Variants in CACNB4 observed in about 807,000 individuals in gnomAD.
CACNB4 encodes voltage-dependent L-type calcium channel subunit beta-4.
In CACNB4, 32 loss-of-function variants were observed where a neutral mutation model predicts 71.2. The ratio of observed to expected loss-of-function variants is 0.45; its 90% confidence interval spans 0.34 to 0.60. The LOEUF (loss-of-function observed/expected upper bound fraction) is 0.60, where lower values mean the gene tolerates loss of function less well. Ranked by LOEUF, CACNB4 falls within the 20% of genes least tolerant of loss-of-function variation. CACNB4 has a pLI of 0.01. For missense variants in CACNB4, 464 were observed against 647.9 expected, an observed-to-expected ratio of 0.72 and a Z score of 3.08; for synonymous variants, 231 against 236.9, an observed-to-expected ratio of 0.97 and a Z score of 0.23.
intron 12 of CACNB4, among the ~76,000 whole-genome samples, chr2:151,848,136 G>T (rs1253839194): frequency 6.6e-6 from 1 of 152,114 alleles, no homozygotes; most frequent in African/African-American, 2.4e-5. Context: ...TACAGAAAAG[G>T]TATCCCATGC....
Position 151,919,133 on chromosome 2 carries a change from T to C in CACNB4, c.148-35763A>G, listed in dbSNP as rs553863466. Among the ~76,000 whole-genome samples, 181 of 152,310 alleles carry C rather than the reference T, an allele frequency of 1.2e-3. 1 individual carries two copies. The highest frequency in any genetic ancestry group is 2.5e-3 in the South Asian group (12 of 4,822). ...AGGAGAGATCATGTTCAGTTCTACA[T>C]TGATCTGGGGCCATACTAAGTTAGG... On this transcript the variant is annotated intron_variant, in intron 2 of 13. Transcript: ENST00000539935.
chr2:152,077,080 A>G (rs1190344784), intron 2 of CACNB4, among the ~76,000 whole-genome samples: 1 of 152,168 alleles, frequency 6.6e-6, no homozygotes, highest in African/African-American at 2.4e-5. Context: ...CCAGAAGGAG[A>G]GCAGAAGTGC....
At chr2:152,055,319 T>A (rs1685669091) in intron 2 of CACNB4, among the ~76,000 whole-genome samples, 1 of 152,264 alleles carries the variant, frequency 6.6e-6, no homozygotes. Context: ...GTCTTCTTCT[T>A]ACTTTCTTGA....
At chr2:151,992,585 CT>C (rs1263644538) in intron 2 of CACNB4, among the ~76,000 whole-genome samples, 2 of 152,202 alleles carry the variant, frequency 1.3e-5, no homozygotes, top group Non-Finnish European at 2.9e-5. Flanking sequence ...CTAGCTTTTT[CT>C]GTAAATGGCG....
At chr2:151,985,245 G>A (rs1681285063) in intron 2 of CACNB4, among the ~76,000 whole-genome samples, 1 of 152,042 alleles carries the variant, frequency 6.6e-6, no homozygotes, top group Non-Finnish European at 1.5e-5. Flanking sequence ...TCTAGAATAT[G>A]CTATATGTAA....
rs769779021 is a variant in CACNB4, at chr2:151,839,077, T to C, written c.*42A>G. ...TGATTGGTTTATCCTAGCACTGCTA[T>C]GGCAAATTGTCAACAGATGAATATT... is the stretch of plus-strand genomic sequence containing the variant. On this transcript the variant is annotated 3_prime_UTR_variant, in exon 14 of 14. Coordinates refer to ENST00000539935, the MANE Select transcript of CACNB4 (RefSeq NM_000726.5). The C allele has an allele frequency of 2.5e-6, 4 of 1,571,764 alleles. No homozygotes were observed. Among genetic ancestry groups the C allele is most frequent in the East Asian group, 2.2e-5 (1 of 44,452 alleles).
intron 2 of CACNB4, among the ~76,000 whole-genome samples, chr2:152,047,899 AAAAACAAAAC>A (rs752935193): frequency 5.9e-5 from 9 of 152,198 alleles, no homozygotes; most frequent in Admixed American, 6.5e-5. Context: ...ACCCTGTTTC[AAAAACAAAAC>A]AAAACAAAAC....
At chr2:152,022,375 C>T (rs762260821) in intron 2 of CACNB4, among the ~76,000 whole-genome samples, 45 of 152,180 alleles carry the variant, frequency 3.0e-4, no homozygotes, top group Admixed American at 9.2e-4. Context: ...AGGACACAAT[C>T]CATGTCTCCA....
intron 2 of CACNB4, among the ~76,000 whole-genome samples, chr2:152,061,766 C>T (rs1420282381): frequency 6.6e-6 from 1 of 151,844 alleles, no homozygotes; most frequent in Non-Finnish European, 1.5e-5. Flanking sequence ...AATCCCAGCA[C>T]TCTGGGAGGC....
chr2:152,031,537 AG>A (rs1684284601), intron 2 of CACNB4, among the ~76,000 whole-genome samples: 1 of 152,106 alleles, frequency 6.6e-6, no homozygotes, highest in African/African-American at 2.4e-5. Context: ...GCACAACCTG[AG>A]GGAGGAAGGC....
At chr2:151,936,135 G>A (rs2099862854) in intron 2 of CACNB4, 1 of 152,204 alleles carries the variant, frequency 6.6e-6, no homozygotes, top group Non-Finnish European at 1.5e-5. Context: ...TGCAATTCAT[G>A]GATTTTTCTG....
intron 2 of CACNB4, chr2:151,962,790 A>G (rs1381479616): frequency 6.6e-6 from 1 of 152,180 alleles, no homozygotes; most frequent in Admixed American, 6.5e-5. Context: ...CATCAAACAA[A>G]CGCTTGAAAG....
chr2:151,938,173 G>C (rs965561439), intron 2 of CACNB4, among the ~76,000 whole-genome samples: 98 of 152,164 alleles, frequency 6.4e-4, no homozygotes, highest in African/African-American at 2.3e-3. Flanking sequence ...TTGACTTAAA[G>C]AAACTGTAGC....
chr2:151,856,491 G>A (rs1331487216), intron 10 of CACNB4, among the ~76,000 whole-genome samples: 2 of 151,986 alleles, frequency 1.3e-5, no homozygotes, highest in African/African-American at 4.8e-5. Context: ...ATTAGTAGAA[G>A]CGAGATTTAG....
chr2:151,927,606 G>A (rs1001636015), intron 2 of CACNB4, among the ~76,000 whole-genome samples: 2 of 152,230 alleles, frequency 1.3e-5, no homozygotes, highest in African/African-American at 4.8e-5. Context: ...ATGGACTGGT[G>A]AGGGGTAACA....
At position 151,835,006 on chromosome 2, in the gene CACNB4, C is replaced by T. The variant is rs376642596; in HGVS notation, c.*4113G>A. ...TGAAACATTGATATGAAGTTTATTCCAATTACATGGGAGTCCAAGATTATG... is the reference window on the plus strand; with the variant it reads ...TGAAACATTGATATGAAGTTTATTCTAATTACATGGGAGTCCAAGATTATG... On this transcript the variant is annotated 3_prime_UTR_variant, in exon 14 of 14. Coordinates refer to ENST00000539935, the MANE Select transcript of CACNB4 (RefSeq NM_000726.5). 6.6e-6 allele frequency: 1 copy of T among 151,884 alleles called. No homozygotes were observed. The highest frequency in any genetic ancestry group is 1.9e-4 in the East Asian group (1 of 5,174). The allele number at this position is 151,884 out of a possible 1,614,324, so 9.4% of individuals were successfully genotyped here. A position where few individuals can be genotyped will look rare whatever the true frequency, so the allele number is the denominator to read the frequency against.
chr2:152,023,049 C>T (rs1683762236), intron 2 of CACNB4, among the ~76,000 whole-genome samples: 2 of 150,874 alleles, frequency 1.3e-5, no homozygotes, highest in South Asian at 4.2e-4. Context: ...AGGAAACTTA[C>T]AATCATGGTA....
intron 4 of CACNB4, among the ~76,000 whole-genome samples, chr2:151,878,550 T>TACACACACACACACACACAC (rs60040188): frequency 0.042 from 5,430 of 129,788 alleles, 199 homozygotes; most frequent in East Asian, 0.098. Context: ...AGACCCTGTC[T>TACACACACACACACACACAC]ACACACACAC....
chr2:151,944,376 G>A (rs560021831), intron 2 of CACNB4, among the ~76,000 whole-genome samples: 1 of 152,078 alleles, frequency 6.6e-6, no homozygotes, highest in Non-Finnish European at 1.5e-5. Context: ...ACAGTGCTGA[G>A]CTCCTATGAT....
Sources: allele counts gnomAD v4.1 joint callset (sites outside exome capture counted in the v4.1 genomes callset), GRCh38; gene constraint gnomAD v4.1.1; transcripts MANE v1.5; gene names NCBI Gene and HGNC (gene_info 2026-07-23, HGNC 2026-07-21).